The following HCN1 variants were observed in gnomAD, a reference collection of about 807,000 sequenced individuals.
HCN1 encodes hyperpolarization activated cyclic nucleotide gated potassium channel 1, also known as potassium/sodium hyperpolarization-activated cyclic nucleotide-gated channel 1.
A neutral mutation model predicts 78.9 loss-of-function variants in HCN1; 13 were observed. The ratio of observed to expected loss-of-function variants is 0.16; its 90% CI spans 0.11 to 0.26. HCN1 has a LOEUF of 0.26. Ranked by LOEUF, HCN1 falls within the 10% of genes least tolerant of loss-of-function variation. The pLI is 1.00. For synonymous variants in HCN1, 552 were observed against 455.5 expected (o/e 1.21, Z -2.70); for missense variants, 810 against 1,154.3 (o/e 0.70, Z 4.32).
At chr5:45,549,889 A>G (rs572002838) in intron 2 of HCN1, among the ~76,000 whole-genome samples, 16 of 152,356 alleles carry the variant, frequency 1.1e-4, no homozygotes, top group African/African-American at 3.8e-4. Context: ...CAACAGACAC[A>G]TGAAAAAATG....
chr5:45,611,873 G>C (rs925182524), intron 2 of HCN1, among the ~76,000 whole-genome samples: 2 of 151,892 alleles, frequency 1.3e-5, no homozygotes, highest in African/African-American at 4.8e-5. Flanking sequence ...TCTTAATATA[G>C]AGCAGAGAAT....
In HCN1 at chr5:45,532,572, C is replaced by T. The variant is rs1742880755; in HGVS notation, c.850-70565G>A. ...AATTAAGTGTGTTCATTCTATCTATCATCTCTTCTTGGAATGAGGCAAAAT... is the reference window on the plus strand; with the variant it reads ...AATTAAGTGTGTTCATTCTATCTATTATCTCTTCTTGGAATGAGGCAAAAT... On this transcript the variant is annotated intron_variant, in intron 2 of 7. Coordinates refer to ENST00000303230, the MANE Select transcript of HCN1 (RefSeq NM_021072.4). Among the ~76,000 whole-genome samples the T allele has an allele frequency of 2.0e-5, 3 of 152,184 alleles. No individual in the cohort carries two copies. The East Asian group carries it at 5.8e-4, about 29-fold the overall frequency.
chr5:45,542,741 T>C (rs948248913), intron 2 of HCN1, among the ~76,000 whole-genome samples: 12 of 152,204 alleles, frequency 7.9e-5, no homozygotes, highest in Non-Finnish European at 1.2e-4. Context: ...GTTAGGTTTG[T>C]GTTTCCAACA....
In HCN1 at chr5:45,297,846, G is replaced by A. The variant is rs114158058; in HGVS notation, c.1618+5753C>T. Reference sequence around the variant, plus strand: ...CAATTCACCACATTGACAGACTAGAGAAGAAAAAACATAGGATCACAGACT... The same window carrying A: ...CAATTCACCACATTGACAGACTAGAAAAGAAAAAACATAGGATCACAGACT... On this transcript the variant is annotated intron_variant, in intron 6 of 7. Transcript: ENST00000303230. Among the ~76,000 whole-genome samples the A allele has an allele frequency of 4.8e-3, 735 of 151,968 alleles. 3 individuals are homozygous for A. The highest frequency in any genetic ancestry group is 7.6e-3 in the Non-Finnish European group (516 of 67,920).
chr5:45,386,587 A>C (rs1402897035), intron 4 of HCN1, among the ~76,000 whole-genome samples: 3 of 152,134 alleles, frequency 2.0e-5, no homozygotes, highest in African/African-American at 7.2e-5. Flanking sequence ...AGCTTAGTTC[A>C]GGGGCTCATT....
chr5:45,327,316 T>C (rs547360398), intron 5 of HCN1, among the ~76,000 whole-genome samples: 10 of 151,778 alleles, frequency 6.6e-5, no homozygotes, highest in Non-Finnish European at 1.2e-4. Flanking sequence ...ATATCACCGA[T>C]AGTAGAGTAC....
At chr5:45,598,297 G>C (rs1189613717) in intron 2 of HCN1, among the ~76,000 whole-genome samples, 2 of 152,058 alleles carry the variant, frequency 1.3e-5, no homozygotes, top group Admixed American at 6.6e-5. Context: ...ACAAACCTGA[G>C]AAAAACAAGC....
intron 3 of HCN1, among the ~76,000 whole-genome samples, chr5:45,410,946 C>T (rs1263044967): frequency 1.3e-5 from 2 of 151,830 alleles, no homozygotes; most frequent in East Asian, 3.9e-4. Context: ...CATGTGTAGA[C>T]TCCTTGATCT....
At chr5:45,360,272 T>A (rs1266894415) in intron 4 of HCN1, among the ~76,000 whole-genome samples, 1 of 151,732 alleles carries the variant, frequency 6.6e-6, no homozygotes, top group Non-Finnish European at 1.5e-5. Flanking sequence ...TAAATGTAAT[T>A]TGACAAATAA....
intron 2 of HCN1, among the ~76,000 whole-genome samples, chr5:45,615,984 AGCACT>A (rs1362184707): frequency 2.0e-5 from 3 of 151,958 alleles, no homozygotes; most frequent in African/African-American, 7.2e-5. Flanking sequence ...CATTTTTAAA[AGCACT>A]ATGCTAAATA....
At chr5:45,529,621 C>G (rs1427025894) in intron 2 of HCN1, among the ~76,000 whole-genome samples, 3 of 151,952 alleles carry the variant, frequency 2.0e-5, no homozygotes, top group African/African-American at 7.2e-5. Context: ...CAAATGGTGT[C>G]TTTGGCGGAA....
chr5:45,281,070 CAT>C (rs1445153547), intron 6 of HCN1, among the ~76,000 whole-genome samples: 2 of 151,458 alleles, frequency 1.3e-5, no homozygotes, highest in Non-Finnish European at 2.9e-5. Context: ...TAAATAGTAT[CAT>C]GTGCAAATTG....
At position 45,320,329 on chromosome 5, in the gene HCN1, T is replaced by C. The variant is rs919552612; in HGVS notation, c.1378-16490A>G. ...ATTTTTTCTTTCCAATTCAGTAGCT[T>C]GGGTTCTTTATAATCAAAACAGCAG... On this transcript the variant is annotated intron_variant, in intron 5 of 7. Coordinates refer to ENST00000303230, the MANE Select transcript of HCN1 (RefSeq NM_021072.4). Among the ~76,000 whole-genome samples, 20 of 151,906 alleles carry C rather than the reference T, an allele frequency of 1.3e-4. 1 individual carries two copies. Among genetic ancestry groups the C allele is most frequent in the Non-Finnish European group, 2.9e-5 (2 of 67,918 alleles).
At chr5:45,587,416 G>A (rs1744254427) in intron 2 of HCN1, among the ~76,000 whole-genome samples, 1 of 152,088 alleles carries the variant, frequency 6.6e-6, no homozygotes, top group Admixed American at 6.6e-5. Context: ...GGATGAAGCT[G>A]GAAACCATCA....
intron 2 of HCN1, among the ~76,000 whole-genome samples, chr5:45,619,537 T>A (rs564869858): frequency 2.4e-4 from 37 of 152,210 alleles, no homozygotes; most frequent in Middle Eastern, 3.4e-3. Context: ...TCTACGCTGA[T>A]GTAAATGAAT....
intron 2 of HCN1, among the ~76,000 whole-genome samples, chr5:45,628,507 G>A (rs534008492): frequency 6.6e-6 from 1 of 152,150 alleles, no homozygotes; most frequent in South Asian, 2.1e-4. Context: ...GTGAATAGAA[G>A]CATATTAATA....
At chr5:45,374,024 T>A (rs1236158745) in intron 4 of HCN1, among the ~76,000 whole-genome samples, 1 of 106,930 alleles carries the variant, frequency 9.4e-6, no homozygotes, top group African/African-American at 3.7e-5. Flanking sequence ...ATATATTATA[T>A]ATATTATATA....
At chr5:45,499,659 A>T (rs1742149274) in intron 2 of HCN1, among the ~76,000 whole-genome samples, 2 of 152,230 alleles carry the variant, frequency 1.3e-5, no homozygotes, top group African/African-American at 4.8e-5. Context: ...CAGAGAAAGC[A>T]CTCAATATAT....
chr5:45,567,911 TAC>T (rs10601970), intron 2 of HCN1, among the ~76,000 whole-genome samples: 67,426 of 144,294 alleles, frequency 0.47, 15,403 homozygotes, highest in Non-Finnish European at 0.5. Context: ...ATATGTGAAG[TAC>T]ACACACACAC....
Sources: gnomAD v4.1 joint callset for allele counts (sites outside exome capture counted in the v4.1 genomes callset) on GRCh38, gnomAD v4.1.1 for gene constraint, MANE v1.5 for transcripts, NCBI Gene and HGNC (gene_info 2026-07-23, HGNC 2026-07-21) for gene names.